Variants in FAM163A observed in about 807,000 individuals in gnomAD.
The protein encoded by FAM163A is protein FAM163A.
Under a neutral mutation model 12.0 loss-of-function variants are expected in FAM163A, and 7 were observed. The ratio of observed to expected loss-of-function variants is 0.58; its 90% CI spans 0.33 to 1.10. The LOEUF (loss-of-function observed/expected upper bound fraction) is 1.10. FAM163A is among the 50% of genes least tolerant of loss of function. FAM163A has a pLI of 0.03. For missense variants in FAM163A, 202 were observed against 218.6 expected, an observed-to-expected ratio of 0.92 and a Z score of 0.48; for synonymous variants, 101 against 91.0, an observed-to-expected ratio of 1.11 and a Z score of -0.62.
intron 1 of FAM163A, among the ~76,000 whole-genome samples, chr1:179,793,394 A>G (rs1691802798): frequency 6.6e-6 from 1 of 152,234 alleles, no homozygotes; most frequent in African/African-American, 2.4e-5. Context: ...GTTTTACTGC[A>G]AATCAGAAGG....
At chr1:179,736,662 A>C in the FAM163A span, among the ~76,000 whole-genome samples, 1 of 152,014 alleles carries the variant, frequency 6.6e-6, no homozygotes, top group Non-Finnish European at 1.5e-5. Context: ...ACAAAAAAAA[A>C]ATTAGCCAGG....
intron 1 of FAM163A, among the ~76,000 whole-genome samples, chr1:179,785,927 C>T (rs528649607): frequency 6.6e-6 from 1 of 152,270 alleles, no homozygotes; most frequent in South Asian, 2.1e-4. Flanking sequence ...CTGCAGTGAA[C>T]ATCGAGTTGA....
intron 1 of FAM163A, among the ~76,000 whole-genome samples, chr1:179,765,939 T>G (rs1687442261): frequency 6.6e-6 from 1 of 152,128 alleles, no homozygotes; most frequent in African/African-American, 2.4e-5. Context: ...AGAGTGACCT[T>G]GCCTAGGAGG....
At chr1:179,740,452 C>A (rs979248206), upstream of FAM163A, among the ~76,000 whole-genome samples, 3 of 152,030 alleles carry the variant, frequency 2.0e-5, no homozygotes, top group Non-Finnish European at 4.4e-5. Context: ...ATTTGTAATA[C>A]CCCTGAAACT....
At chr1:179,731,431 A>G in the FAM163A span, among the ~76,000 whole-genome samples, 2 of 152,240 alleles carry the variant, frequency 1.3e-5, no homozygotes, top group Non-Finnish European at 2.9e-5. Flanking sequence ...ACAAGGATTT[A>G]GCGTTCTTCT....
upstream of FAM163A, among the ~76,000 whole-genome samples, chr1:179,741,471 A>G (rs1683629923): frequency 6.6e-6 from 1 of 152,256 alleles, no homozygotes; most frequent in Non-Finnish European, 1.5e-5. Context: ...ACCAGGAGAT[A>G]TACACAAAAA....
chr1:179,751,567 C>T (rs532712741), intron 1 of FAM163A, among the ~76,000 whole-genome samples: 22 of 152,124 alleles, frequency 1.4e-4, no homozygotes, highest in South Asian at 1.2e-3. Flanking sequence ...GGAGGCTGCA[C>T]GTATAAATAA....
chr1:179,738,112 G>C, the FAM163A span, among the ~76,000 whole-genome samples: 2 of 152,116 alleles, frequency 1.3e-5, no homozygotes, highest in Non-Finnish European at 2.9e-5. Context: ...AAGGGGAATA[G>C]GGAGAGGGGA....
chr1:179,778,414 T>C (rs1371500811), intron 1 of FAM163A, among the ~76,000 whole-genome samples: 1 of 152,048 alleles, frequency 6.6e-6, no homozygotes, highest in Non-Finnish European at 1.5e-5. Context: ...TTTTATGGAA[T>C]AAAAGGCCAA....
intron 1 of FAM163A, among the ~76,000 whole-genome samples, chr1:179,798,242 C>T (rs1284070609): frequency 6.6e-6 from 1 of 152,098 alleles, no homozygotes; most frequent in Non-Finnish European, 1.5e-5. Context: ...GAATATAAGG[C>T]ATGTGTTTAG....
At chr1:179,783,982 G>C (rs1282367875) in intron 1 of FAM163A, among the ~76,000 whole-genome samples, 1 of 151,812 alleles carries the variant, frequency 6.6e-6, no homozygotes, top group Non-Finnish European at 1.5e-5. Context: ...TTCAAACACT[G>C]GCCAGGGGCA....
intron 3 of FAM163A, 83 bp from the exon 4 acceptor site, chr1:179,812,993 G>C (rs1286983789): frequency 3.0e-6 from 4 of 1,322,678 alleles, no homozygotes; most frequent in African/African-American, 1.5e-5. Context: ...CCCCAGCCTC[G>C]GGGCAGTTCC....
intron 1 of FAM163A, among the ~76,000 whole-genome samples, chr1:179,774,874 C>T (rs1419153346): frequency 2.6e-5 from 4 of 152,156 alleles, no homozygotes; most frequent in Non-Finnish European, 5.9e-5. Context: ...CCCCCAGGCC[C>T]GTCTGTTCCA....
At chr1:179,813,289 G>A (rs1694955978) in intron 4 of FAM163A, 99 bp downstream of exon 4, 1 of 1,163,968 alleles carries the variant, frequency 8.6e-7, no homozygotes, top group South Asian at 1.3e-5. Context: ...AGGGCCCACA[G>A]AGCCCAAAGC....
intron 1 of FAM163A, among the ~76,000 whole-genome samples, chr1:179,747,426 G>A (rs1684649236): frequency 1.3e-5 from 2 of 152,218 alleles, no homozygotes; most frequent in African/African-American, 4.8e-5. Context: ...TTCTTTTTGG[G>A]GTGGGTGATG....
At chr1:179,782,121 C>A (rs1176764285) in intron 1 of FAM163A, among the ~76,000 whole-genome samples, 2 of 152,080 alleles carry the variant, frequency 1.3e-5, no homozygotes, top group African/African-American at 2.4e-5. Context: ...CCCTGGGGAA[C>A]AGGCGAAATG....
At chr1:179,750,549 C>T (rs1190402188) in intron 1 of FAM163A, among the ~76,000 whole-genome samples, 2 of 151,980 alleles carry the variant, frequency 1.3e-5, no homozygotes, top group African/African-American at 2.4e-5. Context: ...AAGAATATGG[C>T]ATTTTGAGGC....
intron 1 of FAM163A, among the ~76,000 whole-genome samples, chr1:179,792,236 C>T: frequency 6.6e-6 from 1 of 152,046 alleles, no homozygotes; most frequent in East Asian, 1.9e-4. Context: ...CCTCCTGCCT[C>T]AGCCTCCTGA....
At chr1:179,770,997 T>G (rs956422978) in intron 1 of FAM163A, among the ~76,000 whole-genome samples, 2 of 152,218 alleles carry the variant, frequency 1.3e-5, no homozygotes, top group Admixed American at 1.3e-4. Context: ...TTCCCTGGTC[T>G]GATTATCACT....
Sources: gnomAD v4.1 joint callset for allele counts (sites outside exome capture counted in the v4.1 genomes callset) on GRCh38, gnomAD v4.1.1 for gene constraint, MANE v1.5 for transcripts, NCBI Gene and HGNC (gene_info 2026-07-23, HGNC 2026-07-21) for gene names.